PHF3: variants seen among roughly 807,000 people sequenced by gnomAD.
PHF3 encodes PHD finger protein 3.
A neutral mutation model predicts 178.4 loss-of-function variants in PHF3; 41 were observed. The observed-to-expected ratio is 0.23, with a 90% confidence interval of 0.18 to 0.30. The LOEUF (loss-of-function observed/expected upper bound fraction) is 0.30. Among genes scored for constraint, PHF3 ranks in the 10% least tolerant of loss-of-function variants. The pLI, the probability that PHF3 is intolerant of heterozygous loss-of-function variation, is 1.00. For synonymous variants in PHF3, 842 were observed against 800.5 expected, an observed-to-expected ratio of 1.05 and a Z score of -0.88; for missense variants, 2,346 against 2,398.1, an observed-to-expected ratio of 0.98 and a Z score of 0.45.
intron 2 of PHF3, among the ~76,000 whole-genome samples, chr6:63,677,715 A>G (rs1302217731): frequency 1.3e-5 from 2 of 152,058 alleles, no homozygotes; most frequent in East Asian, 1.9e-4. Flanking sequence ...AAAGTCAGAG[A>G]AAGTATAATG....
At chr6:63,699,420 G>T (rs1767377186) in intron 8 of PHF3, among the ~76,000 whole-genome samples, 1 of 152,150 alleles carries the variant, frequency 6.6e-6, no homozygotes, top group African/African-American at 2.4e-5. Flanking sequence ...ATATAAATTT[G>T]TATAAGGATA....
intron 14 of PHF3, among the ~76,000 whole-genome samples, chr6:63,710,282 A>G (rs1767870611): frequency 6.6e-6 from 1 of 152,186 alleles, no homozygotes; most frequent in Non-Finnish European, 1.5e-5. Flanking sequence ...TTACTGCCCA[A>G]CACTTTATAG....
In PHF3 at chr6:63,685,319, G is replaced by A; in HGVS notation, c.1597G>A (p.Asp533Asn). 1 of 1,613,980 alleles carries A rather than the reference G, an allele frequency of 6.2e-7. No individual in the cohort carries two copies. The change falls in exon 4 of 16, where the codon GAT becomes AAT. Residue 533 changes from aspartate (D) to asparagine (N), a missense_variant. By Grantham distance (23) the Asp-to-Asn change is conservative (BLOSUM62 1). This residue lies in a region of PHF3 where 843 missense variants were observed against 795.2 expected (regional missense o/e 1.06). Transcript: ENST00000262043. Reference protein sequence around the residue: ...VNVKSVKRNTDVPESQQNFHR... With the variant: ...VNVKSVKRNTNVPESQQNFHR... ...TGTCAAAAGTGTGAAACGAAATACT[G>A]ATGTACCAGAATCTCAGCAAAATTT... is the stretch of plus-strand genomic sequence containing the variant.
At chr6:63,676,934 A>C (rs1766189327) in intron 2 of PHF3, among the ~76,000 whole-genome samples, 1 of 152,136 alleles carries the variant, frequency 6.6e-6, no homozygotes, top group Non-Finnish European at 1.5e-5. Flanking sequence ...AGATAAAGCT[A>C]GCAGGATATG....
intron 2 of PHF3, among the ~76,000 whole-genome samples, chr6:63,661,084 G>T (rs961007445): frequency 1.3e-5 from 2 of 151,880 alleles, no homozygotes; most frequent in African/African-American, 4.9e-5. Context: ...TTTGTGAGTA[G>T]GGTAAAAAAT....
chr6:63,666,048 A>G lies in PHF3; in HGVS notation c.245-13952A>G, dbSNP rs370634271. Among the ~76,000 whole-genome samples the G allele has an allele frequency of 4.7e-4, 72 of 152,302 alleles. No homozygotes were observed. In the South Asian group the frequency reaches 0.014, roughly 30 times the overall value. The stretch of plus-strand genomic sequence containing the variant: ...TTTGATTTCTTTTTAAAATTTAGGT[A>G]GCAGTTAATCATAGATTGATTGTCA... On this transcript the variant is annotated intron_variant, in intron 2 of 15. Coordinates refer to ENST00000262043, the MANE Select transcript of PHF3 (RefSeq NM_001370348.2).
At chr6:63,709,281 T>C (rs1441190483) in intron 14 of PHF3, 41 bp downstream of exon 14, 2 of 1,267,810 alleles carry the variant, frequency 1.6e-6, no homozygotes, top group South Asian at 2.4e-5. Context: ...TGGGAAAATG[T>C]TTAGAAAGTA....
At chr6:63,658,708 T>TGTG in intron 2 of PHF3, among the ~76,000 whole-genome samples, 1 of 145,308 alleles carries the variant, frequency 6.9e-6, no homozygotes, top group East Asian at 2.0e-4. Flanking sequence ...CCAATAGATT[T>TGTG]TGTGTGTGTG....
chr6:63,708,120 G>T (rs1295291306), intron 13 of PHF3, among the ~76,000 whole-genome samples: 1 of 152,012 alleles, frequency 6.6e-6, no homozygotes, highest in Non-Finnish European at 1.5e-5. Context: ...GCTTGCCTCT[G>T]CCTCCCAGAA....
rs200715511 is a variant in PHF3 at position 63,709,130 on chromosome 6, T to C, written c.3712-21T>C. 2,045 of 546,076 alleles carry C rather than the reference T, an allele frequency of 3.7e-3. 15 individuals are homozygous for C. The highest frequency in any genetic ancestry group is 0.031 in the African/African-American group (1,500 of 47,786). The allele number at this position is 546,076 out of a possible 1,614,324, so 33.8% of individuals were successfully genotyped here. A position where few individuals can be genotyped will look rare whatever the true frequency, so the allele number is the denominator to read the frequency against. Reference sequence around the variant, plus strand: ...AGATAATCTATATATATTGATCTCTTTTTTTTTTTTTTAACCATAGGACCT... The same window carrying C: ...AGATAATCTATATATATTGATCTCTCTTTTTTTTTTTTAACCATAGGACCT... On this transcript the variant is annotated intron_variant, in intron 13 of 15. Coordinates refer to ENST00000262043, the MANE Select transcript of PHF3 (RefSeq NM_001370348.2).
intron 8 of PHF3, among the ~76,000 whole-genome samples, chr6:63,698,852 C>T (rs957989739): frequency 1.3e-5 from 2 of 152,072 alleles, no homozygotes; most frequent in Non-Finnish European, 2.9e-5. Context: ...TTTCTTTACT[C>T]TCCTTTATAT....
intron 9 of PHF3, among the ~76,000 whole-genome samples, chr6:63,700,676 T>C (rs914625916): frequency 1.3e-4 from 20 of 152,108 alleles, no homozygotes; most frequent in African/African-American, 2.4e-5. Context: ...CTCTGCCTCC[T>C]GGGTTCAAGT....
chr6:63,694,435 G>A, intron 5 of PHF3, 146 bp from the exon 6 acceptor site: 1 of 509,474 alleles, frequency 2.0e-6, no homozygotes, highest in Admixed American at 3.7e-5. Context: ...GCTATTATGT[G>A]TTCTACACAA....
rs1415256016 is a variant in PHF3 at position 63,676,424 on chromosome 6, T to A, written c.245-3576T>A. Among the ~76,000 whole-genome samples the A allele has an allele frequency of 1.3e-5, 2 of 152,170 alleles. 1 individual carries two copies. Among genetic ancestry groups the A allele is most frequent in the Non-Finnish European group, 2.9e-5 (2 of 68,030 alleles). ...TATGTGCTGTTTTGCATAAGGTGGT[T>A]AGGGAAGGTTTCTCTGAGAAGGTGA... is the stretch of plus-strand genomic sequence containing the variant. On this transcript the variant is annotated intron_variant, in intron 2 of 15. Coordinates refer to ENST00000262043, the MANE Select transcript of PHF3 (RefSeq NM_001370348.2).
chr6:63,706,410 A>G (rs1446847069), intron 12 of PHF3, among the ~76,000 whole-genome samples, 186 bp downstream of exon 12: 1 of 152,218 alleles, frequency 6.6e-6, no homozygotes, highest in East Asian at 1.9e-4. Context: ...GTTTTCAGTG[A>G]GAGATTGGAG....
rs921269650 is a variant in PHF3, at chr6:63,635,873, G to A, written c.-303G>A. ...CGCACGCCGATGGCTGCGGGGTCTC[G>A]CGCCGTCGCACCGTCCCCACGCGGC... On this transcript the variant is annotated 5_prime_UTR_variant, in exon 1 of 16. Coordinates refer to ENST00000262043, the MANE Select transcript of PHF3 (RefSeq NM_001370348.2). The A allele has an allele frequency of 2.5e-6, 1 of 397,528 alleles. No homozygotes were observed. Among genetic ancestry groups the A allele is most frequent in the Non-Finnish European group, 4.4e-6 (1 of 225,374 alleles). 24.6% of individuals were successfully genotyped at this position (397,528 alleles called of 1,614,324 possible).
intron 13 of PHF3, among the ~76,000 whole-genome samples, chr6:63,707,418 A>C (rs1004801742): frequency 1.3e-5 from 2 of 152,202 alleles, no homozygotes; most frequent in African/African-American, 4.8e-5. Context: ...GGTTGGTTCT[A>C]CACCTGAGGG....
chr6:63,703,027 G>A (rs778013026), intron 10 of PHF3, among the ~76,000 whole-genome samples: 3 of 152,266 alleles, frequency 2.0e-5, no homozygotes, highest in African/African-American at 4.8e-5. Flanking sequence ...ACAGGCATGC[G>A]CCAATACACC....
In PHF3 at chr6:63,691,970, C is replaced by A; in HGVS notation, c.2423C>A (p.Ser808Ter). The A allele has an allele frequency of 6.2e-7, 1 of 1,613,506 alleles. No individual in the cohort carries two copies. The highest frequency in any genetic ancestry group is 1.1e-5 in the South Asian group (1 of 91,046). ...ATGGAGTGTGAAAAGCTTGGATTAT[C>A]AAAACACACAACAAATGATAGAACC... ...KTMECEKLGL[S>*]KHTTNDRTKY... Residue 808 changes from serine (S) to a stop codon, truncating the protein, a stop_gained, in exon 5 of 16, where the codon TCA (serine) becomes TAA (stop). Coordinates refer to ENST00000262043, the MANE Select transcript of PHF3 (RefSeq NM_001370348.2). LOFTEE classifies it high-confidence loss of function.
Sources: gnomAD v4.1 joint callset for allele counts (sites outside exome capture counted in the v4.1 genomes callset) on GRCh38, gnomAD v4.1.1 for gene constraint, gnomAD v4.1.1 regional missense constraint, MANE v1.5 for transcripts, NCBI Gene and HGNC (gene_info 2026-07-23, HGNC 2026-07-21) for gene names.